The following LMNTD1 variants were observed in gnomAD, a reference collection of about 807,000 sequenced individuals.
LMNTD1 encodes the protein lamin tail domain-containing protein 1.
LMNTD1 carries 35 observed loss-of-function variants against 50.9 expected under a neutral mutation model. That is an observed-to-expected ratio of 0.69 (90% CI 0.53 to 0.91). LMNTD1 has a LOEUF of 0.91. Among genes scored for constraint, LMNTD1 ranks in the 40% least tolerant of loss-of-function variants. The pLI is 0.00. For missense variants in LMNTD1, 470 were observed against 475.5 expected, an observed-to-expected ratio of 0.99 and a Z score of 0.11; for synonymous variants, 153 against 161.9, an observed-to-expected ratio of 0.94 and a Z score of 0.42.
At chr12:25,543,204 A>T (rs944458895) in intron 4 of LMNTD1, among the ~76,000 whole-genome samples, 9 of 152,028 alleles carry the variant, frequency 5.9e-5, no homozygotes, top group Admixed American at 1.3e-4. Flanking sequence ...TATGAAAAAA[A>T]ATTACTTCTA....
chr12:25,570,137 G>A (rs142685643), intron 1 of LMNTD1, among the ~76,000 whole-genome samples: 26 of 152,202 alleles, frequency 1.7e-4, no homozygotes, highest in Admixed American at 3.9e-4. Context: ...GAGCGCCATC[G>A]TTTACAAGGC....
chr12:25,525,467 A>G (rs1941639020), intron 6 of LMNTD1, among the ~76,000 whole-genome samples: 1 of 152,146 alleles, frequency 6.6e-6, no homozygotes, highest in African/African-American at 2.4e-5. Flanking sequence ...AATGGAAAAG[A>G]CCTGTATGGA....
chr12:25,554,406 A>G (rs1210462066), upstream of LMNTD1, among the ~76,000 whole-genome samples: 1 of 152,226 alleles, frequency 6.6e-6, no homozygotes, highest in South Asian at 2.1e-4. Context: ...TCAGCTGAGA[A>G]AAACTTTTGA....
intron 8 of LMNTD1, among the ~76,000 whole-genome samples, chr12:25,514,276 C>T (rs1180488112): frequency 6.6e-6 from 1 of 152,086 alleles, no homozygotes. Flanking sequence ...TGGACACACT[C>T]TCTGGTGTTG....
At chr12:25,509,701 T>C (rs1042857234) in intron 8 of LMNTD1, among the ~76,000 whole-genome samples, 1 of 152,132 alleles carries the variant, frequency 6.6e-6, no homozygotes, top group African/African-American at 2.4e-5. Flanking sequence ...GGTGGATTAG[T>C]ATAGGCCCTA....
At chr12:25,497,992 C>T (rs7968985) in intron 9 of LMNTD1, among the ~76,000 whole-genome samples, 65,144 of 151,760 alleles carry the variant, frequency 0.43, 15,294 homozygotes, top group Non-Finnish European at 0.55. Context: ...CACTTCTCTC[C>T]TTCCCCTCAA....
chr12:25,559,886 TG>T (rs1454428258), intron 1 of LMNTD1, among the ~76,000 whole-genome samples: 7 of 152,126 alleles, frequency 4.6e-5, no homozygotes, highest in African/African-American at 1.7e-4. Flanking sequence ...CACTTTTTGA[TG>T]GGGTTGATTT....
At chr12:25,534,347 T>C (rs1052907020) in intron 4 of LMNTD1, among the ~76,000 whole-genome samples, 3 of 152,222 alleles carry the variant, frequency 2.0e-5, no homozygotes, top group Admixed American at 6.5e-5. Flanking sequence ...AACAATATTT[T>C]TGAAGATATT....
At chr12:25,604,618 G>A (rs1460047664) in intron 1 of LMNTD1, among the ~76,000 whole-genome samples, 2 of 151,744 alleles carry the variant, frequency 1.3e-5, no homozygotes, top group East Asian at 1.9e-4. Flanking sequence ...TTGTCCTTGC[G>A]ATAGTTTGCT....
At chr12:25,576,019 C>T (rs989004114) in intron 1 of LMNTD1, among the ~76,000 whole-genome samples, 1 of 152,300 alleles carries the variant, frequency 6.6e-6, no homozygotes, top group South Asian at 2.1e-4. Context: ...AGGGCAGGAA[C>T]TCATCCTTTT....
chr12:25,603,434 C>A (rs1327082567), intron 1 of LMNTD1, among the ~76,000 whole-genome samples: 1 of 151,906 alleles, frequency 6.6e-6, no homozygotes, highest in Non-Finnish European at 1.5e-5. Context: ...CTTACAGAAC[C>A]AATTTGACAT....
At chr12:25,629,746 G>A (rs987595849) in intron 1 of LMNTD1, among the ~76,000 whole-genome samples, 2 of 152,124 alleles carry the variant, frequency 1.3e-5, no homozygotes, top group Admixed American at 1.3e-4. Flanking sequence ...TGCTATCATG[G>A]CTATTAATTC....
intron 8 of LMNTD1, among the ~76,000 whole-genome samples, chr12:25,507,386 C>A (rs2135964467): frequency 6.6e-6 from 1 of 152,310 alleles, no homozygotes; most frequent in Non-Finnish European, 1.5e-5. Flanking sequence ...TTCTTTTTAA[C>A]CAATAGCCTA....
chr12:25,519,587 C>CAAAAAAAAAAAAAAA lies in LMNTD1; in HGVS notation c.1016+256_1016+270dup, dbSNP rs58304861. The stretch of plus-strand genomic sequence containing the variant: ...TGGGTGACAGAGCGAGACTCTGTCT[C>CAAAAAAAAAAAAAAA]AAAAAAAAAAAAAAAAAAAAAGTGA... On this transcript the variant is annotated intron_variant, in intron 7 of 9. Coordinates refer to ENST00000458174, the MANE Select transcript of LMNTD1 (RefSeq NM_001145728.2). Among the ~76,000 whole-genome samples, 383 of 94,616 alleles carry CAAAAAAAAAAAAAAA rather than the reference C, an allele frequency of 4.0e-3. 17 individuals carry two copies. Among genetic ancestry groups the CAAAAAAAAAAAAAAA allele is most frequent in the African/African-American group, 0.018 (355 of 19,864 alleles). The allele number at this position is 94,616 out of a possible 152,430, so 62.1% of individuals were successfully genotyped here.
chr12:25,493,386 G>T (rs1182493494), intron 9 of LMNTD1, among the ~76,000 whole-genome samples: 1 of 152,218 alleles, frequency 6.6e-6, no homozygotes, highest in Non-Finnish European at 1.5e-5. Context: ...AAGAGGGAAA[G>T]ATGTTGAGGG....
At chr12:25,591,954 T>C (rs1011532664) in intron 1 of LMNTD1, among the ~76,000 whole-genome samples, 1 of 152,126 alleles carries the variant, frequency 6.6e-6, no homozygotes, top group Non-Finnish European at 1.5e-5. Context: ...ATTAAAGTAG[T>C]ACCTCTATGA....
At chr12:25,565,228 TG>T (rs1380829863) in intron 1 of LMNTD1, among the ~76,000 whole-genome samples, 1 of 152,148 alleles carries the variant, frequency 6.6e-6, no homozygotes, top group Non-Finnish European at 1.5e-5. Flanking sequence ...TGCCATTTTA[TG>T]TTTTTTTTTG....
At chr12:25,644,386 G>C (rs985099749) in intron 1 of LMNTD1, among the ~76,000 whole-genome samples, 16 of 151,900 alleles carry the variant, frequency 1.1e-4, no homozygotes, top group Admixed American at 3.9e-4. Flanking sequence ...TCAAGAGGGT[G>C]AGGTGGGAAG....
At chr12:25,485,093 A>C (rs1214923130) in intron 9 of LMNTD1, among the ~76,000 whole-genome samples, 2 of 149,276 alleles carry the variant, frequency 1.3e-5, no homozygotes, top group African/African-American at 5.0e-5. Context: ...GACTTCCACA[A>C]TGGTTGAACT....
Sources: allele counts gnomAD v4.1 joint callset (sites outside exome capture counted in the v4.1 genomes callset), GRCh38; gene constraint gnomAD v4.1.1; transcripts MANE v1.5; gene names NCBI Gene and HGNC (gene_info 2026-07-23, HGNC 2026-07-21).